CADPS2: variants seen among roughly 807,000 people sequenced by gnomAD.
The protein encoded by CADPS2 is calcium-dependent secretion activator 2.
Under a neutral mutation model 172.5 loss-of-function variants are expected in CADPS2, and 93 were observed. The ratio of observed to expected loss-of-function variants is 0.54; its 90% CI spans 0.46 to 0.64. The LOEUF (loss-of-function observed/expected upper bound fraction) is 0.64, where lower values mean the gene tolerates loss of function less well. Among genes scored for constraint, CADPS2 ranks in the 30% least tolerant of loss-of-function variants. CADPS2 has a pLI of 0.00. For synonymous variants in CADPS2, 546 were observed against 555.2 expected, an observed-to-expected ratio of 0.98 and a Z score of 0.23; for missense variants, 1,420 against 1,565.9, an observed-to-expected ratio of 0.91 and a Z score of 1.57.
At chr7:122,795,685 A>G (rs946163675) in intron 1 of CADPS2, among the ~76,000 whole-genome samples, 3 of 152,220 alleles carry the variant, frequency 2.0e-5, no homozygotes, top group East Asian at 3.9e-4. Flanking sequence ...AAAACTATCA[A>G]TAAACTAGAT....
chr7:122,598,570 G>A (rs1029153884), intron 6 of CADPS2, among the ~76,000 whole-genome samples: 21 of 152,020 alleles, frequency 1.4e-4, no homozygotes, highest in African/African-American at 5.1e-4. Context: ...GGAAATTAGG[G>A]TGACAACTGG....
At chr7:122,405,585 C>G (rs2046550921) in intron 20 of CADPS2, among the ~76,000 whole-genome samples, 1 of 152,054 alleles carries the variant, frequency 6.6e-6, no homozygotes, top group African/African-American at 2.4e-5. Context: ...ATCGCTTGAA[C>G]TTCGGAGGCC....
intron 3 of CADPS2, among the ~76,000 whole-genome samples, chr7:122,661,567 G>C (rs2080532838): frequency 6.6e-6 from 1 of 152,022 alleles, no homozygotes; most frequent in African/African-American, 2.4e-5. Context: ...TCAAATCTCA[G>C]AACTGAAAGG....
intron 1 of CADPS2, among the ~76,000 whole-genome samples, chr7:122,854,622 G>A (rs551697649): frequency 2.6e-5 from 4 of 152,300 alleles, no homozygotes; most frequent in South Asian, 2.1e-4. Context: ...AGAGGCTCCC[G>A]TGAGCAACCT....
chr7:122,668,096 G>C (rs1395723381), intron 2 of CADPS2, among the ~76,000 whole-genome samples: 2 of 152,152 alleles, frequency 1.3e-5, no homozygotes, highest in African/African-American at 4.8e-5. Flanking sequence ...GTTATCACAT[G>C]AACACAACAG....
intron 2 of CADPS2, among the ~76,000 whole-genome samples, chr7:122,712,014 A>C (rs751568616): frequency 1.3e-5 from 2 of 152,142 alleles, no homozygotes; most frequent in Non-Finnish European, 2.9e-5. Context: ...GCATACATGT[A>C]CATTTTTAAA....
At chr7:122,499,979 T>C (rs1194773759) in intron 9 of CADPS2, among the ~76,000 whole-genome samples, 3 of 152,158 alleles carry the variant, frequency 2.0e-5, no homozygotes, top group Non-Finnish European at 4.4e-5. Context: ...AAGGTCTGCC[T>C]TCCCTGCCTG....
At chr7:122,636,621 A>G (rs950967101) in intron 3 of CADPS2, among the ~76,000 whole-genome samples, 27 of 151,986 alleles carry the variant, frequency 1.8e-4, no homozygotes, top group African/African-American at 6.3e-4. Flanking sequence ...GCACATCACC[A>G]TGCCAAGCTA....
intron 25 of CADPS2, among the ~76,000 whole-genome samples, chr7:122,370,571 T>C (rs1431536470): frequency 6.6e-6 from 1 of 152,048 alleles, no homozygotes; most frequent in Non-Finnish European, 1.5e-5. Flanking sequence ...GAATAATAGA[T>C]AAAGAGGATT....
intron 6 of CADPS2, among the ~76,000 whole-genome samples, chr7:122,601,098 A>G (rs2072697809): frequency 6.6e-6 from 1 of 151,836 alleles, no homozygotes; most frequent in African/African-American, 2.4e-5. Flanking sequence ...TTTTTCCTAG[A>G]CATCTACCAT....
At chr7:122,702,774 C>G (rs749571867) in intron 2 of CADPS2, 3 of 1,517,818 alleles carry the variant, frequency 2.0e-6, no homozygotes, top group Non-Finnish European at 2.7e-6. Context: ...TATTAAGAGA[C>G]AAACATGAGA....
chr7:122,663,643 C>T, intron 2 of CADPS2, 74 bp from the exon 3 acceptor site: 1 of 1,054,002 alleles, frequency 9.5e-7, no homozygotes, highest in South Asian at 1.6e-5. Flanking sequence ...CACTTGCTTT[C>T]AGCAATCCAG....
At chr7:122,849,295 A>AT (rs1221838018) in intron 1 of CADPS2, among the ~76,000 whole-genome samples, 1 of 152,172 alleles carries the variant, frequency 6.6e-6, no homozygotes, top group East Asian at 1.9e-4. Flanking sequence ...GGAGGAAACT[A>AT]TTTTTTCACT....
chr7:122,826,119 G>C (rs548355261), intron 1 of CADPS2, among the ~76,000 whole-genome samples: 1 of 152,224 alleles, frequency 6.6e-6, no homozygotes, highest in East Asian at 1.9e-4. Context: ...AGGCCTAGTG[G>C]AGAGTAGCGA....
At chr7:122,882,249 T>C (rs933707577) in intron 1 of CADPS2, among the ~76,000 whole-genome samples, 2 of 152,284 alleles carry the variant, frequency 1.3e-5, no homozygotes, top group Admixed American at 6.5e-5. Flanking sequence ...TTATGCAAAG[T>C]GGTAGGAGTG....
chr7:122,490,853 T>C (rs1277445666), intron 10 of CADPS2, among the ~76,000 whole-genome samples: 1 of 152,136 alleles, frequency 6.6e-6, no homozygotes, highest in East Asian at 1.9e-4. Flanking sequence ...TCATTAATAT[T>C]CATTCATTCA....
rs759147878 is a variant in CADPS2, at chr7:122,345,527, G to T, written c.3612+47C>A. The T allele has an allele frequency of 5.4e-6, 6 of 1,118,188 alleles. No homozygotes were observed. The Admixed American group carries it at 9.5e-5, about 18-fold the overall frequency. 69.3% of individuals were successfully genotyped at this position (1,118,188 alleles called of 1,614,324 possible). A position where few individuals can be genotyped will look rare whatever the true frequency, so the allele number is the denominator to read the frequency against. On this transcript the variant is annotated intron_variant, in intron 28 of 29. Transcript: ENST00000449022. ...CCATCAAAATTCAACTTTTCTCTTT[G>T]CAGTTTATCTATGGTGTCAGCATAC...
At chr7:122,327,306 G>A (rs1309915051) in intron 28 of CADPS2, among the ~76,000 whole-genome samples, 10 of 152,078 alleles carry the variant, frequency 6.6e-5, no homozygotes. Flanking sequence ...AAGTATTGGT[G>A]ATATTGAATA....
intron 1 of CADPS2, among the ~76,000 whole-genome samples, chr7:122,749,689 C>CT (rs903181017): frequency 2.0e-5 from 3 of 152,018 alleles, no homozygotes; most frequent in Non-Finnish European, 2.9e-5. Context: ...TTATTACCTT[C>CT]TTTAAACTTA....
Sources: gnomAD v4.1 joint callset for allele counts (sites outside exome capture counted in the v4.1 genomes callset) on GRCh38, gnomAD v4.1.1 for gene constraint, MANE v1.5 for transcripts, NCBI Gene and HGNC (gene_info 2026-07-23, HGNC 2026-07-21) for gene names.